The following EPHA3 variants were observed in gnomAD, a reference collection of about 807,000 sequenced individuals.
The protein encoded by EPHA3 is EPH receptor A3.
A neutral mutation model predicts 107.1 loss-of-function variants in EPHA3; 42 were observed. The observed-to-expected ratio is 0.39, with a 90% CI of 0.31 to 0.51. The LOEUF is 0.51. Among genes scored for constraint, EPHA3 ranks in the 20% least tolerant of loss-of-function variants. The probability of loss-of-function intolerance (pLI) is 0.78; values close to 1 mark genes in which losing one functional copy is unlikely to be tolerated. For synonymous variants in EPHA3, 461 were observed against 424.8 expected, an observed-to-expected ratio of 1.09 and a Z score of -1.05; for missense variants, 1,183 against 1,211.2, an observed-to-expected ratio of 0.98 and a Z score of 0.35.
intron 5 of EPHA3, among the ~76,000 whole-genome samples, chr3:89,376,131 A>G (rs1488712106): frequency 2.6e-5 from 4 of 151,966 alleles, no homozygotes; most frequent in African/African-American, 9.7e-5. Context: ...TATTCCATAC[A>G]TTATTAATTT....
At chr3:89,290,190 G>C (rs931872600) in intron 3 of EPHA3, among the ~76,000 whole-genome samples, 2 of 152,074 alleles carry the variant, frequency 1.3e-5, no homozygotes, top group Non-Finnish European at 2.9e-5. Context: ...TCTCTCTGAG[G>C]TTTTATATAA....
At position 89,373,975 on chromosome 3, in the gene EPHA3, T is replaced by C. The variant is rs570723017; in HGVS notation, c.1307-21862T>C. On this transcript the variant is annotated intron_variant, in intron 5 of 16. Coordinates refer to ENST00000336596, the MANE Select transcript of EPHA3 (RefSeq NM_005233.6). ...CTATGAGATAGGTGCTATTCAATAC[T>C]ATATATAATAAATATCAGCTTTTAT... is the stretch of plus-strand genomic sequence containing the variant. Among the ~76,000 whole-genome samples the C allele has an allele frequency of 1.4e-4, 21 of 151,962 alleles. No individual in the cohort carries two copies. In the East Asian group the frequency reaches 4.1e-3, roughly 29 times the overall value.
At chr3:89,266,987 T>TA (rs1491440002) in intron 3 of EPHA3, among the ~76,000 whole-genome samples, 2 of 152,094 alleles carry the variant, frequency 1.3e-5, no homozygotes, top group East Asian at 3.9e-4. Flanking sequence ...AGTATTTCAT[T>TA]AAAAAAATGA....
intron 3 of EPHA3, among the ~76,000 whole-genome samples, chr3:89,262,572 A>T (rs1705440319): frequency 6.6e-6 from 1 of 152,234 alleles, no homozygotes; most frequent in South Asian, 2.1e-4. Context: ...ATATGTCCTC[A>T]TCTTAATGTA....
At chr3:89,433,620 AT>A (rs1252164692) in intron 13 of EPHA3, among the ~76,000 whole-genome samples, 2 of 152,098 alleles carry the variant, frequency 1.3e-5, no homozygotes, top group African/African-American at 4.8e-5. Context: ...TAATCTGAGT[AT>A]TTTTTAAAAA....
In EPHA3 at chr3:89,393,846, A is replaced by C. The variant is rs1449477425; in HGVS notation, c.1307-1991A>C. Among the ~76,000 whole-genome samples, 6 of 152,164 alleles carry C rather than the reference A, an allele frequency of 3.9e-5. No individual in the cohort carries two copies. In the East Asian group the frequency reaches 1.2e-3, roughly 29 times the overall value. On this transcript the variant is annotated intron_variant, in intron 5 of 16. Transcript: ENST00000336596. ...TCAGCAATACATTTATAAATATAGA[A>C]TATGTTTATGAAGCTTCAACTAAAG... is the stretch of plus-strand genomic sequence containing the variant.
intron 3 of EPHA3, among the ~76,000 whole-genome samples, chr3:89,338,389 A>T (rs2107412333): frequency 6.6e-6 from 1 of 152,156 alleles, no homozygotes; most frequent in East Asian, 1.9e-4. Context: ...TCTTCCAACC[A>T]CCAATCACAA....
In EPHA3 at chr3:89,472,555, T is replaced by A. The variant is rs1231154967; in HGVS notation, c.2782T>A (p.Cys928Ser). The change falls in exon 16 of 17, where the codon TGC (cysteine) becomes AGC (serine). Residue 928 changes from cysteine (C) to serine (S), a missense_variant. Cys to Ser is a moderately radical substitution (Grantham distance 112, BLOSUM62 -1). Coordinates refer to ENST00000336596, the MANE Select transcript of EPHA3 (RefSeq NM_005233.6). ...DWLNGVWTAH[C>S]KEIFTGVEYS... ...GCTTAATGGTGTCTGGACAGCACAC[T>A]GCAAGGAAATCTTCACGGGTGTGGA... The A allele has an allele frequency of 6.2e-7, 1 of 1,614,108 alleles. No individual in the cohort carries two copies. Among genetic ancestry groups the A allele is most frequent in the Admixed American group, 1.7e-5 (1 of 60,012 alleles).
intron 14 of EPHA3, 114 bp from the exon 15 acceptor site, chr3:89,450,063 T>G: frequency 1.2e-6 from 1 of 837,250 alleles, no homozygotes; most frequent in East Asian, 2.8e-5. Flanking sequence ...AAATGAGAAG[T>G]TTTCCCACTT....
At chr3:89,443,257 A>T (rs888241280) in intron 13 of EPHA3, among the ~76,000 whole-genome samples, 35 of 152,166 alleles carry the variant, frequency 2.3e-4, no homozygotes, top group African/African-American at 8.4e-4. Context: ...AGTCAAATGA[A>T]AATCTTTATA....
intron 7 of EPHA3, among the ~76,000 whole-genome samples, chr3:89,404,783 C>T (rs991035596): frequency 6.6e-6 from 1 of 152,074 alleles, no homozygotes; most frequent in African/African-American, 2.4e-5. Flanking sequence ...ATTTTTTCTC[C>T]TATCATAGTT....
At chr3:89,370,124 A>G (rs1708268187) in intron 5 of EPHA3, among the ~76,000 whole-genome samples, 1 of 150,914 alleles carries the variant, frequency 6.6e-6, no homozygotes, top group South Asian at 2.1e-4. Context: ...CTAGAACTAG[A>G]AATACCATTT....
intron 3 of EPHA3, among the ~76,000 whole-genome samples, chr3:89,309,928 G>T (rs1351835523): frequency 1.3e-5 from 2 of 150,086 alleles, no homozygotes; most frequent in Non-Finnish European, 2.9e-5. Context: ...ATATCCTGTG[G>T]TTTTTATTAC....
chr3:89,457,966 T>G (rs1352644897), intron 15 of EPHA3, among the ~76,000 whole-genome samples: 1 of 152,204 alleles, frequency 6.6e-6, no homozygotes, highest in Non-Finnish European at 1.5e-5. Context: ...AGGTTCTGAA[T>G]GTGGAGCCTT....
intron 2 of EPHA3, among the ~76,000 whole-genome samples, chr3:89,132,528 C>T (rs1276940111): frequency 1.3e-5 from 2 of 152,162 alleles, no homozygotes; most frequent in African/African-American, 4.8e-5. Flanking sequence ...ATTGAGGCAT[C>T]TGCATTTCCA....
chr3:89,413,195 C>A lies in EPHA3; in HGVS notation c.1817C>A (p.Thr606Asn), dbSNP rs1289635005. Reference sequence around the variant, plus strand: ...GACCCACATACATATGAAGACCCTACCCAAGCTGTTCATGAGTTTGCCAAG... The same window carrying A: ...GACCCACATACATATGAAGACCCTAACCAAGCTGTTCATGAGTTTGCCAAG... ...YVDPHTYEDP[T>N]QAVHEFAKEL... Residue 606 changes from threonine (T) to asparagine (N), a missense_variant, in exon 10 of 17, where the codon ACC becomes AAC. Coordinates refer to ENST00000336596, the MANE Select transcript of EPHA3 (RefSeq NM_005233.6). The A allele has an allele frequency of 6.2e-7, 1 of 1,611,876 alleles. No homozygotes were observed. Among genetic ancestry groups the A allele is most frequent in the East Asian group, 2.2e-5 (1 of 44,808 alleles).
intron 2 of EPHA3, among the ~76,000 whole-genome samples, chr3:89,150,256 G>A (rs527940685): frequency 6.9e-4 from 105 of 152,014 alleles, no homozygotes; most frequent in Non-Finnish European, 1.3e-3. Flanking sequence ...AGATTTTCAT[G>A]GGGTATATTT....
At chr3:89,162,381 T>G (rs114623762) in intron 2 of EPHA3, among the ~76,000 whole-genome samples, 1 of 152,206 alleles carries the variant, frequency 6.6e-6, no homozygotes, top group Non-Finnish European at 1.5e-5. Context: ...CCATTGTGAA[T>G]GATGATGTTA....
At chr3:89,248,742 T>A (rs545640649) in intron 3 of EPHA3, among the ~76,000 whole-genome samples, 14 of 152,262 alleles carry the variant, frequency 9.2e-5, no homozygotes, top group African/African-American at 3.4e-4. Context: ...AGGCATTATA[T>A]CCAGAAAAAG....
Sources: gnomAD v4.1 joint callset for allele counts (sites outside exome capture counted in the v4.1 genomes callset) on GRCh38, gnomAD v4.1.1 for gene constraint, MANE v1.5 for transcripts, NCBI Gene and HGNC (gene_info 2026-07-23, HGNC 2026-07-21) for gene names.